The following OPCML variants were observed in gnomAD, a reference collection of about 807,000 sequenced individuals.
The protein encoded by OPCML is opioid binding protein/cell adhesion molecule like.
OPCML carries 13 observed loss-of-function variants against 37.8 expected under a neutral mutation model. The observed-to-expected ratio is 0.34, with a 90% confidence interval of 0.22 to 0.55. The LOEUF (loss-of-function observed/expected upper bound fraction) is 0.55. OPCML is among the 20% of genes least tolerant of loss of function. The pLI is 0.91. For synonymous variants in OPCML, 176 were observed against 168.8 expected (o/e 1.04, Z -0.33); for missense variants, 341 against 435.6 (o/e 0.78, Z 1.93).
At chr11:132,808,743 C>G (rs12271623) in intron 2 of OPCML, among the ~76,000 whole-genome samples, 33,896 of 152,108 alleles carry the variant, frequency 0.22, 4,792 homozygotes, top group Non-Finnish European at 0.33. Context: ...TCTTGGCAAA[C>G]TACACAGGAT....
intron 3 of OPCML, among the ~76,000 whole-genome samples, chr11:132,560,488 TCTTTTATTCCTCAC>T (rs2096408202): frequency 6.6e-6 from 1 of 152,170 alleles, no homozygotes. Flanking sequence ...CAATGTGTAG[TCTTTTATTCCTCAC>T]CTGGACACCA....
chr11:133,026,093 G>T, intron 1 of OPCML: 1 of 984,904 alleles, frequency 1.0e-6, no homozygotes, highest in Non-Finnish European at 1.2e-6. Context: ...AGAAGTTTGG[G>T]CATATGTGTT....
At chr11:133,221,680 T>A (rs940635950) in intron 1 of OPCML, among the ~76,000 whole-genome samples, 1 of 152,178 alleles carries the variant, frequency 6.6e-6, no homozygotes, top group Non-Finnish European at 1.5e-5. Flanking sequence ...CTCTGGATTA[T>A]CCTGAGGTGA....
In OPCML at chr11:133,241,316, A is replaced by G. The variant is rs551229109; in HGVS notation, c.61+290948T>C. ...TGTGCATGGAAGAAAATAAGCTCACACTGAATTATTCCCGAAAAATGAATT... is the reference window on the plus strand; with the variant it reads ...TGTGCATGGAAGAAAATAAGCTCACGCTGAATTATTCCCGAAAAATGAATT... On this transcript the variant is annotated intron_variant, in intron 1 of 7. Coordinates refer to ENST00000524381, the MANE Select transcript of OPCML (RefSeq NM_001012393.5). Among the ~76,000 whole-genome samples the G allele has an allele frequency of 7.3e-4, 111 of 152,376 alleles. No homozygotes were observed. In the South Asian group the frequency reaches 0.023, roughly 31 times the overall value.
rs193025201 is a variant in OPCML, at chr11:133,079,550, C to G, written c.62-136540G>C. Among the ~76,000 whole-genome samples, 6 of 152,234 alleles carry G rather than the reference C, an allele frequency of 3.9e-5. No individual in the cohort carries two copies. The East Asian group carries it at 1.2e-3, about 29-fold the overall frequency. ...GCTAAAACAAATCTGCCCGAGTACT[C>G]TACACTTGTTCTGGGGTGACAAAAA... On this transcript the variant is annotated intron_variant, in intron 1 of 7. Coordinates refer to ENST00000524381, the MANE Select transcript of OPCML (RefSeq NM_001012393.5).
intron 3 of OPCML, among the ~76,000 whole-genome samples, chr11:132,561,120 A>C (rs1024937307): frequency 2.0e-5 from 3 of 152,202 alleles, no homozygotes; most frequent in African/African-American, 7.2e-5. Flanking sequence ...ACACTCAAAA[A>C]GTCACTACTT....
intron 1 of OPCML, among the ~76,000 whole-genome samples, chr11:133,125,821 T>C (rs1000780351): frequency 6.8e-6 from 1 of 146,240 alleles, no homozygotes; most frequent in Non-Finnish European, 1.5e-5. Flanking sequence ...GTATATAGTA[T>C]ATACACATGT....
chr11:132,693,468 A>C (rs1943483178), intron 2 of OPCML, among the ~76,000 whole-genome samples: 1 of 152,244 alleles, frequency 6.6e-6, no homozygotes, highest in Non-Finnish European at 1.5e-5. Context: ...CATCAGAAAC[A>C]TGCAGCTAAC....
intron 2 of OPCML, among the ~76,000 whole-genome samples, chr11:132,886,355 G>A (rs531538054): frequency 2.6e-5 from 4 of 152,170 alleles, no homozygotes; most frequent in African/African-American, 4.8e-5. Context: ...GGGTGGGGGC[G>A]GCTTGCCCCT....
At chr11:133,369,932 T>C (rs111887293) in intron 1 of OPCML, among the ~76,000 whole-genome samples, 182 of 152,320 alleles carry the variant, frequency 1.2e-3, no homozygotes, top group African/African-American at 4.2e-3. Flanking sequence ...CCTAATGTTA[T>C]AACTTGGGGG....
At chr11:132,736,330 A>G (rs935128270) in intron 2 of OPCML, among the ~76,000 whole-genome samples, 1 of 152,194 alleles carries the variant, frequency 6.6e-6, no homozygotes, top group East Asian at 1.9e-4. Context: ...GTAAATGATG[A>G]GATTCTGAAT....
intron 1 of OPCML, among the ~76,000 whole-genome samples, chr11:133,185,469 G>A (rs771157168): frequency 4.3e-4 from 66 of 152,308 alleles, no homozygotes; most frequent in Middle Eastern, 6.8e-3. Context: ...GTAGACAGCC[G>A]TCTACAATGC....
intron 1 of OPCML, among the ~76,000 whole-genome samples, chr11:133,475,982 C>T (rs1947229776): frequency 6.6e-6 from 1 of 152,112 alleles, no homozygotes; most frequent in Admixed American, 6.5e-5. Flanking sequence ...TGGAAATCTC[C>T]CTGGGAGTGC....
At chr11:133,527,223 T>A (rs929242321) in intron 1 of OPCML, among the ~76,000 whole-genome samples, 13 of 152,206 alleles carry the variant, frequency 8.5e-5, no homozygotes, top group African/African-American at 3.1e-4. Context: ...TCCATGTATC[T>A]AGCACCCCAC....
At position 133,273,024 on chromosome 11, in the gene OPCML, G is replaced by GGTTTAGATTACTCAAGAGCTCTGC. The variant is rs1264134292; in HGVS notation, c.61+259216_61+259239dup. 3.9e-5 allele frequency among the ~76,000 whole-genome samples: 6 copies of GGTTTAGATTACTCAAGAGCTCTGC among 152,234 alleles called. No individual in the cohort carries two copies. In the East Asian group the frequency reaches 1.2e-3, roughly 29 times the overall value. ...CTGCTGAGAGAGTGACTTCTTGCTG[G>GGTTTAGATTACTCAAGAGCTCTGC]GTTTAGATTACTCAAGAGCTCTGCA... On this transcript the variant is annotated intron_variant, in intron 1 of 7. Coordinates refer to ENST00000524381, the MANE Select transcript of OPCML (RefSeq NM_001012393.5).
intron 3 of OPCML, among the ~76,000 whole-genome samples, chr11:132,629,656 T>A (rs536369047): frequency 6.6e-6 from 1 of 152,314 alleles, no homozygotes; most frequent in African/African-American, 2.4e-5. Flanking sequence ...TTTGTTTTTT[T>A]CCTACTTGGC....
intron 4 of OPCML, among the ~76,000 whole-genome samples, chr11:132,452,560 C>T (rs1258627108): frequency 1.4e-5 from 2 of 141,240 alleles, no homozygotes; most frequent in African/African-American, 5.2e-5. Context: ...TTCCTTTTTT[C>T]CTTCCTTCCT....
chr11:132,840,901 A>C (rs1197910901), intron 2 of OPCML, among the ~76,000 whole-genome samples: 1 of 152,092 alleles, frequency 6.6e-6, no homozygotes, highest in African/African-American at 2.4e-5. Context: ...AGAGGGAAGC[A>C]GATGCGGCAA....
At chr11:133,522,635 A>AT (rs1346092824) in intron 1 of OPCML, among the ~76,000 whole-genome samples, 1 of 152,200 alleles carries the variant, frequency 6.6e-6, no homozygotes, top group Non-Finnish European at 1.5e-5. Flanking sequence ...AGCGTAACAG[A>AT]TTGGGAGGCA....
Sources: gnomAD v4.1 joint callset for allele counts (sites outside exome capture counted in the v4.1 genomes callset) on GRCh38, gnomAD v4.1.1 for gene constraint, MANE v1.5 for transcripts, NCBI Gene and HGNC (gene_info 2026-07-23, HGNC 2026-07-21) for gene names.